Variants in ANO2 observed in about 807,000 individuals in gnomAD.
The protein encoded by ANO2 is anoctamin-2.
Under a neutral mutation model 124.2 loss-of-function variants are expected in ANO2, and 101 were observed. That is an observed-to-expected ratio of 0.81 (90% CI 0.69 to 0.96). The LOEUF is 0.96. ANO2 is among the 40% of genes least tolerant of loss of function. ANO2 has a pLI of 0.00. For missense variants in ANO2, 1,293 were observed against 1,274.5 expected (o/e 1.01, Z -0.22); for synonymous variants, 486 against 482.5 (o/e 1.01, Z -0.09).
At chr12:5,802,486 G>A (rs1232135390) in intron 9 of ANO2, among the ~76,000 whole-genome samples, 1 of 152,196 alleles carries the variant, frequency 6.6e-6, no homozygotes, top group Non-Finnish European at 1.5e-5. Context: ...AGGGAGGGAG[G>A]TGGAGAGTGC....
intron 23 of ANO2, among the ~76,000 whole-genome samples, chr12:5,567,381 C>G (rs1255872221): frequency 1.3e-5 from 2 of 152,210 alleles, no homozygotes; most frequent in African/African-American, 2.4e-5. Context: ...GGAAAAACCT[C>G]AGACTCACCT....
At chr12:5,857,977 G>A (rs935857208) in intron 3 of ANO2, among the ~76,000 whole-genome samples, 1 of 152,156 alleles carries the variant, frequency 6.6e-6, no homozygotes, top group Non-Finnish European at 1.5e-5. Context: ...AAGAATATTT[G>A]AGCTTATGGA....
intron 10 of ANO2, among the ~76,000 whole-genome samples, chr12:5,792,287 A>G (rs1952720565): frequency 6.6e-6 from 1 of 152,212 alleles, no homozygotes; most frequent in South Asian, 2.1e-4. Context: ...ACACAGGCAC[A>G]TTACCCATCT....
At chr12:5,653,702 C>T (rs1355707095) in intron 14 of ANO2, among the ~76,000 whole-genome samples, 1 of 152,110 alleles carries the variant, frequency 6.6e-6, no homozygotes, top group Non-Finnish European at 1.5e-5. Flanking sequence ...AAATTCTTGG[C>T]CCTAGGTAGT....
intron 20 of ANO2, among the ~76,000 whole-genome samples, chr12:5,586,222 G>C (rs1943104061): frequency 6.6e-6 from 1 of 152,228 alleles, no homozygotes; most frequent in African/African-American, 2.4e-5. Flanking sequence ...TGGGGATGCA[G>C]TCTAGGGCAG....
intron 4 of ANO2, among the ~76,000 whole-genome samples, chr12:5,833,434 G>A (rs1212549846): frequency 6.6e-6 from 1 of 152,152 alleles, no homozygotes; most frequent in African/African-American, 2.4e-5. Context: ...CTTTTAAGAG[G>A]TAGCATCTCT....
intron 1 of ANO2, among the ~76,000 whole-genome samples, chr12:5,940,152 G>A (rs1380863461): frequency 6.6e-6 from 1 of 152,174 alleles, no homozygotes; most frequent in African/African-American, 2.4e-5. Context: ...GTTGCTTCTT[G>A]AGGCTCCTCC....
chr12:5,574,051 C>G (rs958098134), intron 23 of ANO2, among the ~76,000 whole-genome samples: 8 of 152,354 alleles, frequency 5.3e-5, no homozygotes, highest in Admixed American at 4.6e-4. Flanking sequence ...ACTGAAAACA[C>G]AGCTTTTACA....
At chr12:5,703,272 A>C (rs1194377186) in intron 14 of ANO2, among the ~76,000 whole-genome samples, 1 of 152,260 alleles carries the variant, frequency 6.6e-6, no homozygotes, top group African/African-American at 2.4e-5. Context: ...ATTTAGATGA[A>C]GTTTACAAAC....
chr12:5,627,536 A>T (rs1161001834), intron 16 of ANO2, among the ~76,000 whole-genome samples: 1 of 152,210 alleles, frequency 6.6e-6, no homozygotes, highest in East Asian at 1.9e-4. Flanking sequence ...CAGACCCCCC[A>T]TCCCAGAGCA....
chr12:5,851,026 C>T (rs561489456), intron 4 of ANO2, among the ~76,000 whole-genome samples: 21 of 139,492 alleles, frequency 1.5e-4, no homozygotes, highest in South Asian at 6.5e-4. Context: ...AACCACACAA[C>T]GAATAACTGC....
At chr12:5,906,579 G>A (rs1320089878) in intron 3 of ANO2, among the ~76,000 whole-genome samples, 4 of 151,982 alleles carry the variant, frequency 2.6e-5, no homozygotes, top group Admixed American at 6.5e-5. Context: ...GGCAGATCAC[G>A]AGGTCAAGAG....
intron 10 of ANO2, among the ~76,000 whole-genome samples, chr12:5,796,469 T>TACAC (rs145933132): frequency 3.3e-5 from 5 of 150,226 alleles, no homozygotes; most frequent in African/African-American, 7.4e-5. Context: ...CTCTTGCACA[T>TACAC]ACACACACAC....
At chr12:5,793,045 T>C (rs1206397858) in intron 10 of ANO2, among the ~76,000 whole-genome samples, 2 of 151,644 alleles carry the variant, frequency 1.3e-5, no homozygotes, top group African/African-American at 4.9e-5. Flanking sequence ...GTCCTAGGAG[T>C]ATTTGGGGTG....
chr12:5,811,448 C>G (rs1168239430), intron 7 of ANO2, among the ~76,000 whole-genome samples: 1 of 152,200 alleles, frequency 6.6e-6, no homozygotes, highest in Non-Finnish European at 1.5e-5. Context: ...ACAACATGGT[C>G]TGGCTTTGGT....
rs1491587780 is a variant in ANO2, at chr12:5,923,102, A to ACACG, written c.23-299_23-298insCGTG. On this transcript the variant is annotated intron_variant, in intron 1 of 24. Coordinates refer to ENST00000682330, the MANE Select transcript of ANO2 (RefSeq NM_001364791.2). ...CACATACACACACACACGCACACACATACACACACATGCACGCACACACAC... is the reference window on the plus strand; with the variant it reads ...CACATACACACACACACGCACACACACACGTACACACACATGCACGCACACACAC... Among the ~76,000 whole-genome samples the ACACG allele has an allele frequency of 5.5e-4, 32 of 58,420 alleles. 2 individuals carry two copies. Among genetic ancestry groups the ACACG allele is most frequent in the African/African-American group, 1.1e-3 (31 of 27,344 alleles). The allele number at this position is 58,420 out of a possible 152,430, so 38.3% of individuals were successfully genotyped here. A position where few individuals can be genotyped will look rare whatever the true frequency, so the allele number is the denominator to read the frequency against.
At chr12:5,849,634 A>G (rs1390465531) in intron 4 of ANO2, among the ~76,000 whole-genome samples, 1 of 152,026 alleles carries the variant, frequency 6.6e-6, no homozygotes, top group Non-Finnish European at 1.5e-5. Context: ...CTCCCAGTTA[A>G]TATCTGTGCT....
chr12:5,719,191 T>C (rs193165572), intron 14 of ANO2, among the ~76,000 whole-genome samples: 1 of 152,360 alleles, frequency 6.6e-6, no homozygotes, highest in African/African-American at 2.4e-5. Flanking sequence ...AACTTCCAAC[T>C]GCCAGCGCCT....
At chr12:5,852,055 G>T (rs1037562414) in intron 4 of ANO2, 1 of 702,826 alleles carries the variant, frequency 1.4e-6, no homozygotes, top group South Asian at 1.5e-5. Context: ...AAACCAGAGA[G>T]AAAGGAGAAT....
Sources: gnomAD v4.1 joint callset for allele counts (sites outside exome capture counted in the v4.1 genomes callset) on GRCh38, gnomAD v4.1.1 for gene constraint, MANE v1.5 for transcripts, NCBI Gene and HGNC (gene_info 2026-07-23, HGNC 2026-07-21) for gene names.